Variants in SYNE3 observed in about 807,000 individuals in gnomAD.
SYNE3 encodes nesprin-3.
SYNE3 carries 100 observed loss-of-function variants against 111.2 expected under a neutral mutation model. That is an observed-to-expected ratio of 0.90 (90% CI 0.77 to 1.06). The LOEUF (loss-of-function observed/expected upper bound fraction) is 1.06. SYNE3 is among the 50% of genes least tolerant of loss of function. The pLI is 0.00. For missense variants in SYNE3, 1,160 were observed against 1,240.3 expected (o/e 0.94, Z 0.97); for synonymous variants, 547 against 533.9 (o/e 1.02, Z -0.34).
At chr14:95,446,185 A>T (rs965693713) in intron 8 of SYNE3, 94 bp from the exon 9 acceptor site, 6 of 1,448,140 alleles carry the variant, frequency 4.1e-6, no homozygotes, top group Non-Finnish European at 4.7e-6. Context: ...GCAACTGCTT[A>T]GGAAGCTCAC....
rs1397414573 is a variant in SYNE3, at chr14:95,452,246, C to T, written c.1274+1G>A. 2 of 1,595,516 alleles carry T rather than the reference C, an allele frequency of 1.3e-6. No homozygotes were observed. Among genetic ancestry groups the T allele is most frequent in the East Asian group, 2.3e-5 (1 of 44,318 alleles). On this transcript the variant is annotated splice_donor_variant, in intron 7 of 17. Coordinates refer to ENST00000682763, the MANE Select transcript of SYNE3 (RefSeq NM_152592.6). LOFTEE classifies it high-confidence loss of function. ...CCACCACCCTTGGCCTTCCCAGATACCTCTGATACTCCTGGATGGTAGCGA... is the reference window on the plus strand; with the variant it reads ...CCACCACCCTTGGCCTTCCCAGATATCTCTGATACTCCTGGATGGTAGCGA...
At chr14:95,486,593 C>T (rs1889562159) in intron 1 of SYNE3, among the ~76,000 whole-genome samples, 1 of 152,184 alleles carries the variant, frequency 6.6e-6, no homozygotes, top group Non-Finnish European at 1.5e-5. Context: ...AATGACCACA[C>T]ACACGTCACC....
chr14:95,513,803 T>G (rs915757998), intron 1 of SYNE3, among the ~76,000 whole-genome samples: 4 of 134,872 alleles, frequency 3.0e-5, no homozygotes, highest in African/African-American at 1.1e-4. Context: ...CAGCAAGTAC[T>G]GATGACTTAA....
At chr14:95,431,572 C>G (rs1439083384) in intron 17 of SYNE3, among the ~76,000 whole-genome samples, 3 of 152,200 alleles carry the variant, frequency 2.0e-5, no homozygotes, top group African/African-American at 7.2e-5. Context: ...GGGAGTGACT[C>G]TGAGCACGGC....
intron 15 of SYNE3, among the ~76,000 whole-genome samples, chr14:95,436,239 A>C (rs1886078752): frequency 6.6e-6 from 1 of 152,140 alleles, no homozygotes; most frequent in Non-Finnish European, 1.5e-5. Context: ...AATGCAGGGG[A>C]ATTAATGTTA....
At chr14:95,510,479 G>A (rs1890683135) in intron 1 of SYNE3, among the ~76,000 whole-genome samples, 1 of 152,224 alleles carries the variant, frequency 6.6e-6, no homozygotes, top group African/African-American at 2.4e-5. Flanking sequence ...TATCTTTGAT[G>A]AGAGAAGAAG....
chr14:95,444,428 T>C (rs763339517), intron 10 of SYNE3, 57 bp downstream of exon 10: 1 of 1,522,842 alleles, frequency 6.6e-7, no homozygotes, highest in Non-Finnish European at 8.8e-7. Context: ...GAGACGCTGC[T>C]TCCAGGTGCA....
Position 95,475,724 on chromosome 14 carries a change from G to C in SYNE3, c.98C>G (p.Thr33Arg). ...VQDQLQVNDN[T>R]QGPRAALEAR... Reference sequence around the variant, plus strand: ...CTCCAGGGCCGCGCGGGGTCCCTGCGTGTTGTCATTGACCTGCAGCTGGTC... The same window carrying C: ...CTCCAGGGCCGCGCGGGGTCCCTGCCTGTTGTCATTGACCTGCAGCTGGTC... Residue 33 changes from threonine to arginine, a missense_variant, in exon 2 of 18, where the codon ACG becomes AGG. Thr to Arg is a moderately conservative substitution (Grantham distance 71, BLOSUM62 -1). Coordinates refer to ENST00000682763, the MANE Select transcript of SYNE3 (RefSeq NM_152592.6). 1 of 1,605,496 alleles carries C rather than the reference G, an allele frequency of 6.2e-7. No individual in the cohort carries two copies. Among genetic ancestry groups the C allele is most frequent in the Non-Finnish European group, 8.5e-7 (1 of 1,176,640 alleles).
intron 1 of SYNE3, among the ~76,000 whole-genome samples, chr14:95,490,307 G>A (rs141859205): frequency 1.4e-3 from 214 of 152,366 alleles, no homozygotes; most frequent in Admixed American, 2.4e-3. Flanking sequence ...ATTATGGCAT[G>A]CACAGCAGTC....
intron 1 of SYNE3, among the ~76,000 whole-genome samples, chr14:95,495,640 A>T (rs1890059683): frequency 6.6e-6 from 1 of 152,100 alleles, no homozygotes; most frequent in Non-Finnish European, 1.5e-5. Flanking sequence ...TCAGACAGTG[A>T]CTGAGGCACC....
At chr14:95,490,346 A>G (rs1257095770) in intron 1 of SYNE3, among the ~76,000 whole-genome samples, 1 of 152,250 alleles carries the variant, frequency 6.6e-6, no homozygotes, top group Non-Finnish European at 1.5e-5. Context: ...GTTCCAAGCT[A>G]TAATTCCAAC....
intron 6 of SYNE3, 75 bp downstream of exon 6, chr14:95,455,302 C>A: frequency 8.2e-7 from 1 of 1,221,226 alleles, no homozygotes; most frequent in East Asian, 2.6e-5. Flanking sequence ...TTCTCCATCA[C>A]AGAGGAGGTC....
chr14:95,508,320 T>C (rs1296734477), intron 1 of SYNE3, among the ~76,000 whole-genome samples: 2 of 152,204 alleles, frequency 1.3e-5, no homozygotes, highest in Non-Finnish European at 2.9e-5. Flanking sequence ...AGATGAACCA[T>C]GCAGGAATCT....
chr14:95,446,396 G>T (rs1376108430), intron 8 of SYNE3, among the ~76,000 whole-genome samples: 1 of 64,318 alleles, frequency 1.6e-5, no homozygotes, highest in South Asian at 7.5e-4. Flanking sequence ...CCTCTGCCCC[G>T]ACTGCAGTGC....
intron 1 of SYNE3, among the ~76,000 whole-genome samples, chr14:95,504,082 T>C (rs1035335108): frequency 6.6e-6 from 1 of 152,242 alleles, no homozygotes. Context: ...TTAACATTTT[T>C]AAGTTGTTGG....
In SYNE3 at chr14:95,439,703, A is replaced by G; in HGVS notation, c.2155T>C (p.Ser719Pro). The G allele has an allele frequency of 4.3e-6, 7 of 1,614,092 alleles. No individual in the cohort carries two copies. Among genetic ancestry groups the G allele is most frequent in the Non-Finnish European group, 5.9e-6 (7 of 1,180,010 alleles). Residue 719 changes from serine to proline, a missense_variant, in exon 13 of 18, where the codon TCT becomes CCT. Physicochemically the swap from Ser to Pro is moderately conservative, Grantham distance 74 (BLOSUM62 -1). Coordinates refer to ENST00000682763, the MANE Select transcript of SYNE3 (RefSeq NM_152592.6). ...TGCACCACGGCAGCACCCTCCGGAG[A>G]AGACTTCTCCATCACCAGCCAGCCC... ...AQGWLVMEKS[S>P]PEGAAVVQEE...
intron 1 of SYNE3, among the ~76,000 whole-genome samples, chr14:95,499,414 C>A (rs938655473): frequency 3.9e-5 from 6 of 152,130 alleles, no homozygotes; most frequent in African/African-American, 1.4e-4. Flanking sequence ...CAGTAGGAAC[C>A]ACCTGTGGCT....
In SYNE3 at chr14:95,499,856, C is replaced by CTT. The variant is rs10547044; in HGVS notation, c.-15+16738_-15+16739dup. Among the ~76,000 whole-genome samples the CTT allele has an allele frequency of 8.5e-3, 768 of 90,038 alleles. 56 individuals carry two copies. Among genetic ancestry groups the CTT allele is most frequent in the African/African-American group, 0.032 (679 of 21,254 alleles). The allele number at this position is 90,038 out of a possible 152,430, so 59.1% of individuals were successfully genotyped here. On this transcript the variant is annotated intron_variant, in intron 1 of 17. Coordinates refer to ENST00000682763, the MANE Select transcript of SYNE3 (RefSeq NM_152592.6). ...AATCCCCTGTATCACTAACTCTTGT[C>CTT]TTTTTTTTTTTTTTTTTTTTGAGAT...
intron 15 of SYNE3, among the ~76,000 whole-genome samples, chr14:95,435,649 TC>T (rs1484580327): frequency 6.6e-6 from 1 of 152,118 alleles, no homozygotes; most frequent in Non-Finnish European, 1.5e-5. Context: ...TCCAGAAAGA[TC>T]CTAGACCACA....
Sources: allele counts gnomAD v4.1 joint callset (sites outside exome capture counted in the v4.1 genomes callset), GRCh38; gene constraint gnomAD v4.1.1; transcripts MANE v1.5; gene names NCBI Gene and HGNC (gene_info 2026-07-23, HGNC 2026-07-21).